The following MMAA variants were observed in gnomAD, a reference collection of about 807,000 sequenced individuals.
MMAA encodes the protein metabolism of cobalamin associated A.
In MMAA, 41 loss-of-function variants were observed where a neutral mutation model predicts 45.0. The ratio of observed to expected loss-of-function variants is 0.91; its 90% CI spans 0.71 to 1.18. The LOEUF (loss-of-function observed/expected upper bound fraction) is 1.18, where lower values mean the gene tolerates loss of function less well. Among genes scored for constraint, MMAA ranks in the 50% most tolerant of loss-of-function variants. The pLI is 0.00. For missense variants in MMAA, 460 were observed against 495.7 expected (o/e 0.93, Z 0.68); for synonymous variants, 154 against 178.2 (o/e 0.86, Z 1.08).
At chr4:145,632,063 G>A (rs1191536064) in intron 1 of MMAA, among the ~76,000 whole-genome samples, 2 of 152,110 alleles carry the variant, frequency 1.3e-5, no homozygotes, top group East Asian at 3.9e-4. Flanking sequence ...TACACCACAG[G>A]TACAATATTC....
chr4:145,639,551 A>C lies in MMAA; in HGVS notation c.412A>C (p.Lys138Gln). 1 of 1,609,696 alleles carries C rather than the reference A, an allele frequency of 6.2e-7. No homozygotes were observed. Among genetic ancestry groups the C allele is most frequent in the South Asian group, 1.1e-5 (1 of 90,322 alleles). ...LYHREQEQSN[K>Q]GKPLAFRVGL... ...CCACAGAGAACAAGAACAATCAAATAAAGGAAAACCACTAGCATTTCGAGT... is the reference window on the plus strand; with the variant it reads ...CCACAGAGAACAAGAACAATCAAATCAAGGAAAACCACTAGCATTTCGAGT... Residue 138 changes from lysine to glutamine, a missense_variant, in exon 2 of 7, where the codon AAA (lysine) becomes CAA (glutamine). Lys to Gln is a moderately conservative substitution (Grantham distance 53). Transcript: ENST00000649156.
In MMAA at chr4:145,656,839, G is replaced by A. The variant is rs111561610; in HGVS notation, c.*1405G>A. On this transcript the variant is annotated 3_prime_UTR_variant, in exon 7 of 7. Transcript: ENST00000649156. The stretch of plus-strand genomic sequence containing the variant: ...ACTGTACTGGAATCAAACCTCTTGA[G>A]CATTATTTTAACAAACATCCCTTTA... 219 of 152,248 alleles carry A rather than the reference G, an allele frequency of 1.4e-3. No homozygotes were observed. The highest frequency in any genetic ancestry group is 4.9e-3 in the African/African-American group (202 of 41,556). 9.4% of individuals were successfully genotyped at this position (152,248 alleles called of 1,614,324 possible).
At chr4:145,639,693 T>A in intron 2 of MMAA, 115 bp downstream of exon 2, 1 of 1,447,766 alleles carries the variant, frequency 6.9e-7, no homozygotes, top group Non-Finnish European at 9.1e-7. Flanking sequence ...TTCACAATAT[T>A]TGGATGAATT....
At chr4:145,655,122 G>A (rs753538037) in intron 6 of MMAA, 25 bp from the exon 7 acceptor site, 52 of 1,613,334 alleles carry the variant, frequency 3.2e-5, no homozygotes, top group Non-Finnish European at 4.4e-5. Context: ...TAAGTAAAAT[G>A]GTCTGGTTCT....
intron 1 of MMAA, among the ~76,000 whole-genome samples, chr4:145,626,322 T>C (rs1734205584): frequency 6.6e-6 from 1 of 152,202 alleles, no homozygotes; most frequent in Admixed American, 6.5e-5. Flanking sequence ...GGCTGAGTTA[T>C]ATTGGCTCTT....
chr4:145,621,156 A>T (rs1435122520), intron 1 of MMAA, among the ~76,000 whole-genome samples: 2 of 152,218 alleles, frequency 1.3e-5, no homozygotes, highest in African/African-American at 4.8e-5. Context: ...ATTTATACTC[A>T]CCATGATCCT....
At chr4:145,626,456 G>T (rs1337099527) in intron 1 of MMAA, among the ~76,000 whole-genome samples, 1 of 152,154 alleles carries the variant, frequency 6.6e-6, no homozygotes, top group Non-Finnish European at 1.5e-5. Context: ...TTAAAATGTG[G>T]TCTGTTCTGT....
At position 145,639,597 on chromosome 4, in the gene MMAA, T is replaced by A. The variant is rs746432868; in HGVS notation, c.439+19T>A. Reference sequence around the variant, plus strand: ...CGAGTAGGTCAGTCTTTTTTGTGTGTTTTCTCAGTAAATATTTTTACAAAT... The same window carrying A: ...CGAGTAGGTCAGTCTTTTTTGTGTGATTTCTCAGTAAATATTTTTACAAAT... On this transcript the variant is annotated intron_variant, in intron 2 of 6. Transcript: ENST00000649156. 2.5e-6 allele frequency: 4 copies of A among 1,598,106 alleles called. No individual in the cohort carries two copies. In the South Asian group the frequency reaches 4.5e-5, roughly 18 times the overall value.
chr4:145,655,403 T>G lies in MMAA; in HGVS notation c.1226T>G (p.Phe409Cys). 1 of 1,612,688 alleles carries G rather than the reference T, an allele frequency of 6.2e-7. No individual in the cohort carries two copies. The highest frequency in any genetic ancestry group is 8.5e-7 in the Non-Finnish European group (1 of 1,179,590). ...CTGTCCCCAGGACTAGCAGCAGACT[T>G]CTTGTTAAAAGCTTTTAAAAGCAGA... is the stretch of plus-strand genomic sequence containing the variant. ...GALSPGLAAD[F>C]LLKAFKSRD Residue 409 changes from phenylalanine to cysteine, a missense_variant, in exon 7 of 7, where the codon TTC (phenylalanine) becomes TGC (cysteine). By Grantham distance (205) the Phe-to-Cys change is radical. Coordinates refer to ENST00000649156, the MANE Select transcript of MMAA (RefSeq NM_172250.3).
In MMAA at chr4:145,655,263, A is replaced by G. The variant is rs1728196295; in HGVS notation, c.1086A>G (p.Gln362=). The G allele has an allele frequency of 1.9e-6, 3 of 1,614,224 alleles. 1 individual carries two copies. Among genetic ancestry groups the G allele is most frequent in the South Asian group, 2.2e-5 (2 of 91,088 alleles). The change falls in exon 7 of 7, where the codon CAA becomes CAG. Residue 362 remains glutamine, a synonymous_variant. Transcript: ENST00000649156. ...SGELTAKRRK[Q]QKVWMWNLIQ... Reference sequence around the variant, plus strand: ...AGCTGACTGCCAAACGACGGAAGCAACAGAAAGTTTGGATGTGGAATCTCA... The same window carrying G: ...AGCTGACTGCCAAACGACGGAAGCAGCAGAAAGTTTGGATGTGGAATCTCA...
At chr4:145,634,150 G>GT (rs1727543745) in intron 1 of MMAA, among the ~76,000 whole-genome samples, 3 of 152,208 alleles carry the variant, frequency 2.0e-5, no homozygotes. Context: ...TTTGAGGGTG[G>GT]TAAGTTCCCC....
chr4:145,636,486 C>A (rs974919925), intron 1 of MMAA, among the ~76,000 whole-genome samples: 2 of 152,218 alleles, frequency 1.3e-5, no homozygotes, highest in Non-Finnish European at 2.9e-5. Flanking sequence ...AATTTAATTT[C>A]TTGACCTCAG....
At chr4:145,640,318 G>A (rs1727747011) in intron 2 of MMAA, among the ~76,000 whole-genome samples, 1 of 151,700 alleles carries the variant, frequency 6.6e-6, no homozygotes, top group African/African-American at 2.4e-5. Context: ...TCACCATGTT[G>A]GCCAGGCTGG....
chr4:145,649,372 C>T (rs1372177764), intron 4 of MMAA, among the ~76,000 whole-genome samples: 1 of 152,164 alleles, frequency 6.6e-6, no homozygotes, highest in Non-Finnish European at 1.5e-5. Context: ...CTCGGTGTCA[C>T]AGGTTTCTTT....
At chr4:145,629,235 A>G (rs1460870190) in intron 1 of MMAA, among the ~76,000 whole-genome samples, 2 of 152,142 alleles carry the variant, frequency 1.3e-5, no homozygotes, top group African/African-American at 4.8e-5. Flanking sequence ...CGTTCACGCC[A>G]TTCTCCTGCC....
At chr4:145,632,718 C>T (rs552341461) in intron 1 of MMAA, among the ~76,000 whole-genome samples, 41 of 151,448 alleles carry the variant, frequency 2.7e-4, no homozygotes, top group Non-Finnish European at 5.2e-4. Context: ...TTTGTCTTCC[C>T]TCACTGTGTA....
At chr4:145,655,113 A>C (rs770231114) in intron 6 of MMAA, 34 bp from the exon 7 acceptor site, 1 of 1,612,804 alleles carries the variant, frequency 6.2e-7, no homozygotes, top group Admixed American at 1.7e-5. Context: ...CTATCATTTT[A>C]AGTAAAATGG....
intron 4 of MMAA, among the ~76,000 whole-genome samples, chr4:145,648,210 C>T (rs1014493422): frequency 5.7e-5 from 8 of 139,178 alleles, no homozygotes; most frequent in African/African-American, 2.2e-4. Flanking sequence ...TGTAGTGGTG[C>T]AATCTTGGCT....
At chr4:145,643,050 G>A (rs67311515) in intron 3 of MMAA, among the ~76,000 whole-genome samples, 38,062 of 152,040 alleles carry the variant, frequency 0.25, 6,062 homozygotes, top group African/African-American at 0.45. Context: ...ATGTTAAGCA[G>A]TTACTTTCTG....
Sources: allele counts gnomAD v4.1 joint callset (sites outside exome capture counted in the v4.1 genomes callset), GRCh38; gene constraint gnomAD v4.1.1; transcripts MANE v1.5; gene names NCBI Gene and HGNC (gene_info 2026-07-23, HGNC 2026-07-21).